Variants in CDH23 observed in about 807,000 individuals in gnomAD.
The protein encoded by CDH23 is cadherin related 23.
Under a neutral mutation model 317.1 loss-of-function variants are expected in CDH23, and 189 were observed. The observed-to-expected ratio is 0.60, with a 90% CI of 0.53 to 0.67. The LOEUF (loss-of-function observed/expected upper bound fraction) is 0.67, where lower values mean the gene tolerates loss of function less well. Among genes scored for constraint, CDH23 ranks in the 30% least tolerant of loss-of-function variants. The probability of loss-of-function intolerance (pLI) is 0.00; values close to 1 mark genes in which losing one functional copy is unlikely to be tolerated. For synonymous variants in CDH23, 1,839 were observed against 1,876.8 expected, an observed-to-expected ratio of 0.98 and a Z score of 0.52; for missense variants, 4,401 against 4,592.4, an observed-to-expected ratio of 0.96 and a Z score of 1.20.
intron 55 of CDH23, 31 bp downstream of exon 55, chr10:71,803,451 C>T (rs947460748): frequency 5.8e-6 from 9 of 1,539,618 alleles, no homozygotes; most frequent in Non-Finnish European, 7.9e-6. Flanking sequence ...TCCTGCCCAC[C>T]AGTATTTCCT....
At chr10:71,782,727 C>T (rs976744338) in intron 41 of CDH23, among the ~76,000 whole-genome samples, 3 of 152,212 alleles carry the variant, frequency 2.0e-5, no homozygotes, top group Admixed American at 2.0e-4. Context: ...ATGGCCGGGG[C>T]TTGAGACAGG....
At chr10:71,692,130 C>T (rs529380401) in intron 20 of CDH23, among the ~76,000 whole-genome samples, 112 of 152,320 alleles carry the variant, frequency 7.4e-4, no homozygotes, top group African/African-American at 2.6e-3. Context: ...GAGGCAGGTA[C>T]TAGCCTTATC....
At chr10:71,799,463 ACT>A in intron 51 of CDH23, 27 bp from the exon 52 acceptor site, 1 of 1,613,394 alleles carries the variant, frequency 6.2e-7, no homozygotes, top group Non-Finnish European at 8.5e-7. Context: ...ACCTTGGCCT[ACT>A]CTCTCTCCCT....
chr10:71,733,523 C>T (rs1208687318), intron 32 of CDH23, among the ~76,000 whole-genome samples: 1 of 152,124 alleles, frequency 6.6e-6, no homozygotes, highest in East Asian at 1.9e-4. Flanking sequence ...CTCATTAGAA[C>T]AAAAGACTCC....
chr10:71,760,545 TG>T, intron 38 of CDH23: 1 of 247,992 alleles, frequency 4.0e-6, no homozygotes, highest in Middle Eastern at 1.1e-3. Flanking sequence ...CATAGGGGGC[TG>T]GTGGGCAGGG....
At chr10:71,671,218 C>A (rs748519901) in intron 14 of CDH23, among the ~76,000 whole-genome samples, 2 of 151,964 alleles carry the variant, frequency 1.3e-5, no homozygotes, top group Non-Finnish European at 2.9e-5. Flanking sequence ...CCTCGGCCTC[C>A]CAAACCAAAG....
At chr10:71,576,974 C>T (rs564475186) in intron 8 of CDH23, among the ~76,000 whole-genome samples, 1 of 152,188 alleles carries the variant, frequency 6.6e-6, no homozygotes, top group Non-Finnish European at 1.5e-5. Flanking sequence ...TGAGCTCTGC[C>T]TTCTGCCCAG....
chr10:71,773,210 T>C, intron 38 of CDH23: 1 of 923,966 alleles, frequency 1.1e-6, no homozygotes, highest in Non-Finnish European at 1.6e-6. Context: ...TGCCTAGGGG[T>C]CCCAGCAGCC....
At chr10:71,759,430 C>A (rs1840238238) in intron 38 of CDH23, among the ~76,000 whole-genome samples, 1 of 151,998 alleles carries the variant, frequency 6.6e-6, no homozygotes, top group African/African-American at 2.4e-5. Flanking sequence ...TCACTTGCAT[C>A]TGGAAGTTTG....
chr10:71,813,217 T>C (rs942824210), intron 68 of CDH23, 27 bp from the exon 69 acceptor site: 1 of 1,545,398 alleles, frequency 6.5e-7, no homozygotes, highest in Non-Finnish European at 8.8e-7. Flanking sequence ...AGGGCCTTGG[T>C]GGGGGTTAAC....
At chr10:71,420,460 A>ATGGTGATGGTG (rs1848721637) in intron 1 of CDH23, among the ~76,000 whole-genome samples, 6 of 9,268 alleles carry the variant, frequency 6.5e-4, no homozygotes, top group East Asian at 3.6e-3. Context: ...TGGTGATGAT[A>ATGGTGATGGTG]ATGATGATGG....
At chr10:71,660,544 C>T (rs1863605172) in intron 14 of CDH23, among the ~76,000 whole-genome samples, 1 of 152,106 alleles carries the variant, frequency 6.6e-6, no homozygotes, top group Non-Finnish European at 1.5e-5. Flanking sequence ...GGGAACCTCC[C>T]CTCCCTTTTA....
At chr10:71,532,558 G>T (rs1381548283) in intron 6 of CDH23, among the ~76,000 whole-genome samples, 3 of 152,116 alleles carry the variant, frequency 2.0e-5, no homozygotes, top group Admixed American at 2.0e-4. Context: ...TCCCAGAGGG[G>T]CCCTCTCTGA....
chr10:71,605,539 G>A (rs904812073), intron 9 of CDH23, among the ~76,000 whole-genome samples: 6 of 152,146 alleles, frequency 3.9e-5, no homozygotes, highest in African/African-American at 1.4e-4. Flanking sequence ...CTCTGTCCTA[G>A]CACTATCACT....
intron 3 of CDH23, among the ~76,000 whole-genome samples, chr10:71,508,813 G>A (rs1030842661): frequency 7.2e-5 from 11 of 152,166 alleles, no homozygotes; most frequent in East Asian, 3.9e-4. Flanking sequence ...AAAATGACGC[G>A]CTGTACACTT....
chr10:71,675,627 G>A (rs1864328793), intron 15 of CDH23, among the ~76,000 whole-genome samples: 1 of 152,168 alleles, frequency 6.6e-6, no homozygotes, highest in Non-Finnish European at 1.5e-5. Context: ...TACAGATGAG[G>A]AAAGTGCAAC....
chr10:71,811,474 C>T, intron 63 of CDH23, 37 bp from the exon 64 acceptor site: 2 of 1,614,010 alleles, frequency 1.2e-6, no homozygotes, highest in Non-Finnish European at 1.7e-6. Context: ...AGCCGCCCTC[C>T]CCACTGCCCG....
At chr10:71,719,783 TC>T (rs1866463057) in intron 28 of CDH23, 1 of 152,482 alleles carries the variant, frequency 6.6e-6, no homozygotes, top group Admixed American at 6.5e-5. Context: ...CAGAGTGGCC[TC>T]CCCGTCACTC....
chr10:71,675,001 A>G, intron 14 of CDH23, 111 bp from the exon 15 acceptor site: 1 of 981,010 alleles, frequency 1.0e-6, no homozygotes, highest in South Asian at 1.4e-5. Flanking sequence ...TCTGGGCCTC[A>G]GAAAATTCAC....
Sources: allele counts gnomAD v4.1 joint callset (sites outside exome capture counted in the v4.1 genomes callset), GRCh38; gene constraint gnomAD v4.1.1; transcripts MANE v1.5; gene names NCBI Gene and HGNC (gene_info 2026-07-23, HGNC 2026-07-21).